FOXO3: variants seen among roughly 807,000 people sequenced by gnomAD.
FOXO3 encodes forkhead box protein O3.
FOXO3 carries 4 observed loss-of-function variants against 41.9 expected under a neutral mutation model. The observed-to-expected ratio is 0.10, with a 90% CI of 0.05 to 0.22. The LOEUF (loss-of-function observed/expected upper bound fraction) is 0.22. FOXO3 is among the 10% of genes least tolerant of loss of function. FOXO3 has a pLI of 1.00. For synonymous variants in FOXO3, 318 were observed against 389.3 expected (o/e 0.82, Z 2.16); for missense variants, 534 against 906.8 (o/e 0.59, Z 5.28).
intron 1 of FOXO3, among the ~76,000 whole-genome samples, chr6:108,660,550 A>C (rs2128385861): frequency 6.6e-6 from 1 of 152,344 alleles, no homozygotes; most frequent in South Asian, 2.1e-4. Flanking sequence ...TAATGGTAAA[A>C]TCCTGCTGAC....
At chr6:108,617,299 T>G (rs866198203) in intron 1 of FOXO3, among the ~76,000 whole-genome samples, 41 of 152,226 alleles carry the variant, frequency 2.7e-4, no homozygotes, top group African/African-American at 9.2e-4. Context: ...GTTAATTGAT[T>G]GATTATTTTC....
In FOXO3 at chr6:108,561,031, G is replaced by A. The variant is rs1775766755; in HGVS notation, c.-178G>A. On this transcript the variant is annotated 5_prime_UTR_variant, in exon 1 of 3. Coordinates refer to ENST00000406360, the MANE Select transcript of FOXO3 (RefSeq NM_001455.4). ...AGCGGGCGAGGACTCGCCGAGGACG[G>A]GGCTCCGGCCCGGGATAACCAACTC... 2.2e-6 allele frequency: 3 copies of A among 1,386,324 alleles called. No individual in the cohort carries two copies. Among genetic ancestry groups the A allele is most frequent in the Non-Finnish European group, 1.8e-6 (2 of 1,082,926 alleles). The allele number at this position is 1,386,324 out of a possible 1,614,324, so 85.9% of individuals were successfully genotyped here.
chr6:108,594,345 G>A (rs1050889559), intron 1 of FOXO3, among the ~76,000 whole-genome samples: 4 of 152,144 alleles, frequency 2.6e-5, no homozygotes, highest in Non-Finnish European at 5.9e-5. Flanking sequence ...AGAATAAAAG[G>A]TTGATTTCAT....
chr6:108,680,273 TA>T lies in FOXO3; in HGVS notation c.*486del, dbSNP rs1228295470. On this transcript the variant is annotated 3_prime_UTR_variant, in exon 3 of 3. Coordinates refer to ENST00000406360, the MANE Select transcript of FOXO3 (RefSeq NM_001455.4). ...TTAACCGTCCTTCCCCTAGCAAATT[TA>T]AAAACAGAAAGAAAATGTTGTACCA... The T allele has an allele frequency of 6.6e-6, 1 of 152,644 alleles. No individual in the cohort carries two copies. Among genetic ancestry groups the T allele is most frequent in the Non-Finnish European group, 1.5e-5 (1 of 68,034 alleles). The allele number at this position is 152,644 out of a possible 1,614,324, so 9.5% of individuals were successfully genotyped here.
intron 1 of FOXO3, among the ~76,000 whole-genome samples, chr6:108,594,790 AT>A (rs1331593922): frequency 6.6e-6 from 1 of 152,066 alleles, no homozygotes; most frequent in Non-Finnish European, 1.5e-5. Flanking sequence ...TCATCCCCAA[AT>A]CGGGCCTTGT....
At chr6:108,609,925 A>T (rs1379750821) in intron 1 of FOXO3, among the ~76,000 whole-genome samples, 1 of 152,130 alleles carries the variant, frequency 6.6e-6, no homozygotes, top group African/African-American at 2.4e-5. Context: ...AATTTTTTTT[A>T]AATGTACACA....
intron 1 of FOXO3, among the ~76,000 whole-genome samples, chr6:108,585,146 A>G (rs1436681714): frequency 7.2e-6 from 1 of 139,756 alleles, no homozygotes; most frequent in East Asian, 2.2e-4. Context: ...GGTTCACGCC[A>G]TTCTCCTGCC....
intron 1 of FOXO3, among the ~76,000 whole-genome samples, chr6:108,610,315 T>A (rs1026119285): frequency 1.3e-5 from 2 of 152,204 alleles, no homozygotes; most frequent in Admixed American, 6.5e-5. Context: ...TAGATTCTGT[T>A]AATAACTGGA....
intron 1 of FOXO3, among the ~76,000 whole-genome samples, chr6:108,629,132 A>G (rs753988399): frequency 7.2e-5 from 11 of 152,166 alleles, no homozygotes; most frequent in Non-Finnish European, 1.2e-4. Context: ...AGTTCCTAGC[A>G]AAAAGTAAAT....
At chr6:108,575,134 T>C (rs1368633301) in intron 1 of FOXO3, among the ~76,000 whole-genome samples, 1 of 152,206 alleles carries the variant, frequency 6.6e-6, no homozygotes, top group Non-Finnish European at 1.5e-5. Flanking sequence ...TGGTTCTCTC[T>C]TTTTACTACA....
intron 1 of FOXO3, among the ~76,000 whole-genome samples, chr6:108,637,273 A>G (rs1229234971): frequency 6.6e-6 from 1 of 152,142 alleles, no homozygotes; most frequent in Non-Finnish European, 1.5e-5. Context: ...GCTCCTTGTG[A>G]ACATGTGAAT....
At chr6:108,676,894 T>G (rs1770615268) in intron 2 of FOXO3, among the ~76,000 whole-genome samples, 1 of 152,262 alleles carries the variant, frequency 6.6e-6, no homozygotes, top group South Asian at 2.1e-4. Context: ...AAATGGTGAT[T>G]CTGGTGTTCC....
chr6:108,617,797 A>G (rs1777557177), intron 1 of FOXO3, among the ~76,000 whole-genome samples: 1 of 151,186 alleles, frequency 6.6e-6, no homozygotes. Flanking sequence ...TTGGCTGTTA[A>G]AAAAAAAATG....
At chr6:108,570,952 A>C (rs924648356) in intron 1 of FOXO3, among the ~76,000 whole-genome samples, 18 of 152,332 alleles carry the variant, frequency 1.2e-4, no homozygotes, top group African/African-American at 4.3e-4. Flanking sequence ...CTAGATCATT[A>C]AATGAGAGTG....
chr6:108,582,334 G>C, intron 1 of FOXO3, among the ~76,000 whole-genome samples: 1 of 152,186 alleles, frequency 6.6e-6, no homozygotes, highest in Non-Finnish European at 1.5e-5. Context: ...TTGTGTTGTT[G>C]TTGTCCCAGG....
intron 1 of FOXO3, among the ~76,000 whole-genome samples, chr6:108,623,681 T>G (rs1462986006): frequency 1.3e-5 from 2 of 152,188 alleles, no homozygotes; most frequent in Admixed American, 6.5e-5. Flanking sequence ...ATATACCAGT[T>G]TGTGCTGTCT....
chr6:108,675,168 T>C lies in FOXO3; in HGVS notation c.*35-4659T>C, dbSNP rs533274328. 1.4e-3 allele frequency among the ~76,000 whole-genome samples: 208 copies of C among 152,298 alleles called. 9 individuals carry two copies. The South Asian group carries it at 0.042, about 31-fold the overall frequency. Reference sequence around the variant, plus strand: ...TTAAGATAGGGCATTCTTAAACTTATTTTAGCCATTAATAATCGCTAAATT... The same window carrying C: ...TTAAGATAGGGCATTCTTAAACTTACTTTAGCCATTAATAATCGCTAAATT... On this transcript the variant is annotated intron_variant, in intron 2 of 2. Coordinates refer to ENST00000406360, the MANE Select transcript of FOXO3 (RefSeq NM_001455.4).
intron 1 of FOXO3, among the ~76,000 whole-genome samples, chr6:108,625,165 T>C (rs1777776879): frequency 6.6e-6 from 1 of 152,242 alleles, no homozygotes; most frequent in Non-Finnish European, 1.5e-5. Context: ...ATCTGACGTT[T>C]GTTATAATTT....
intron 2 of FOXO3, among the ~76,000 whole-genome samples, chr6:108,673,338 G>A (rs778009106): frequency 4.6e-5 from 7 of 152,200 alleles, no homozygotes; most frequent in Non-Finnish European, 1.0e-4. Flanking sequence ...GGCCACACAC[G>A]CAGATTCCCC....
Sources: allele counts gnomAD v4.1 joint callset (sites outside exome capture counted in the v4.1 genomes callset), GRCh38; gene constraint gnomAD v4.1.1; transcripts MANE v1.5; gene names NCBI Gene and HGNC (gene_info 2026-07-23, HGNC 2026-07-21).